The following LNPEP variants were observed in gnomAD, a reference collection of about 807,000 sequenced individuals.
LNPEP encodes the protein leucyl-cystinyl aminopeptidase.
Under a neutral mutation model 120.6 loss-of-function variants are expected in LNPEP, and 64 were observed. The ratio of observed to expected loss-of-function variants is 0.53; its 90% CI spans 0.43 to 0.65. The LOEUF (loss-of-function observed/expected upper bound fraction) is 0.65, where lower values mean the gene tolerates loss of function less well. Ranked by LOEUF, LNPEP falls within the 30% of genes least tolerant of loss-of-function variation. The pLI is 0.00. For synonymous variants in LNPEP, 435 were observed against 425.4 expected (o/e 1.02, Z -0.28); for missense variants, 1,057 against 1,200.0 (o/e 0.88, Z 1.76).
intron 11 of LNPEP, among the ~76,000 whole-genome samples, chr5:97,007,075 A>G (rs191891742): frequency 6.6e-6 from 1 of 152,314 alleles, no homozygotes; most frequent in East Asian, 1.9e-4. Flanking sequence ...ATAAAAAGCA[A>G]TTGAAATGTA....
At chr5:96,964,094 T>C (rs1018144866) in intron 1 of LNPEP, among the ~76,000 whole-genome samples, 10 of 151,900 alleles carry the variant, frequency 6.6e-5, no homozygotes, top group Admixed American at 2.6e-4. Flanking sequence ...CTCTCTGCTC[T>C]TCTATGATTG....
At chr5:96,978,713 G>A (rs571783415) in intron 1 of LNPEP, among the ~76,000 whole-genome samples, 2 of 152,240 alleles carry the variant, frequency 1.3e-5, no homozygotes, top group South Asian at 4.1e-4. Context: ...AAGGGGAACC[G>A]TGGACTGTAG....
chr5:96,958,528 A>T, intron 1 of LNPEP: 1 of 978,888 alleles, frequency 1.0e-6, no homozygotes. Flanking sequence ...TAGTTGTATT[A>T]GTTTTCTATT....
intron 1 of LNPEP, among the ~76,000 whole-genome samples, chr5:96,938,033 G>A (rs1454785749): frequency 6.6e-6 from 1 of 151,282 alleles, no homozygotes; most frequent in African/African-American, 2.4e-5. Flanking sequence ...CTTTTACAAG[G>A]AAAACAGAAA....
chr5:96,952,357 C>T (rs1789344619), intron 1 of LNPEP, among the ~76,000 whole-genome samples: 1 of 152,154 alleles, frequency 6.6e-6, no homozygotes, highest in Admixed American at 6.5e-5. Flanking sequence ...TGGCATATAA[C>T]ATATTATGAT....
intron 11 of LNPEP, among the ~76,000 whole-genome samples, chr5:97,008,039 G>T (rs969665440): frequency 8.5e-5 from 13 of 152,074 alleles, no homozygotes; most frequent in Non-Finnish European, 1.3e-4. Context: ...ATCTTTGATA[G>T]CATAGCTGGA....
intron 12 of LNPEP, 151 bp from the exon 13 acceptor site, chr5:97,014,788 C>A: frequency 2.4e-6 from 1 of 413,708 alleles, no homozygotes; most frequent in African/African-American, 2.0e-5. Flanking sequence ...CAGAGATAAT[C>A]ATATTTAGCT....
At chr5:96,947,131 G>C (rs1233903136) in intron 1 of LNPEP, among the ~76,000 whole-genome samples, 2 of 152,096 alleles carry the variant, frequency 1.3e-5, no homozygotes, top group Non-Finnish European at 2.9e-5. Context: ...ATTTGCTTGA[G>C]AGATTAATAA....
At chr5:96,961,823 T>A (rs10058476) in intron 1 of LNPEP, among the ~76,000 whole-genome samples, 56,459 of 151,998 alleles carry the variant, frequency 0.37, 10,663 homozygotes, top group Non-Finnish European at 0.42. Context: ...TCAATTTTTT[T>A]AAATCTGCCA....
chr5:96,986,045 G>T (rs1300333488), intron 3 of LNPEP, among the ~76,000 whole-genome samples: 1 of 152,086 alleles, frequency 6.6e-6, no homozygotes, highest in Non-Finnish European at 1.5e-5. Flanking sequence ...TTTTGTGTCT[G>T]CTGCAGACTT....
chr5:97,006,363 C>T, intron 10 of LNPEP, 64 bp from the exon 11 acceptor site: 3 of 1,239,908 alleles, frequency 2.4e-6, no homozygotes, highest in Non-Finnish European at 2.3e-6. Context: ...GCTTAACCTT[C>T]CTACCAAATT....
intron 13 of LNPEP, among the ~76,000 whole-genome samples, chr5:97,017,254 A>G (rs565134816): frequency 2.6e-5 from 4 of 152,172 alleles, no homozygotes; most frequent in Non-Finnish European, 5.9e-5. Context: ...TCTTTTTGAT[A>G]TATGTATTGA....
At chr5:96,989,258 G>A (rs1220886536) in intron 4 of LNPEP, among the ~76,000 whole-genome samples, 1 of 136,730 alleles carries the variant, frequency 7.3e-6, no homozygotes, top group African/African-American at 2.7e-5. Flanking sequence ...TAATATTTGT[G>A]TATATATGAT....
Position 96,948,845 on chromosome 5 carries a change from T to C in LNPEP, c.19+12671T>C, listed in dbSNP as rs572844394. ...GATCTATTTATAAATCTACCTTATT[T>C]TGTTGACTACTGTATAGTATAGTAT... On this transcript the variant is annotated intron_variant, in intron 1 of 17. Transcript: ENST00000231368. Among the ~76,000 whole-genome samples, 51 of 152,340 alleles carry C rather than the reference T, an allele frequency of 3.3e-4. No homozygotes were observed. In the South Asian group the frequency reaches 5.0e-3, roughly 15 times the overall value.
chr5:97,020,683 T>A (rs1413542079), intron 13 of LNPEP, among the ~76,000 whole-genome samples: 1 of 152,038 alleles, frequency 6.6e-6, no homozygotes, highest in Non-Finnish European at 1.5e-5. Flanking sequence ...GCGCTTGTAG[T>A]CCCAGCTACT....
Position 96,966,506 on chromosome 5 carries a change from A to ATT in LNPEP, c.20-12630_20-12629dup, listed in dbSNP as rs1391450470. Among the ~76,000 whole-genome samples the ATT allele has an allele frequency of 5.3e-3, 610 of 114,724 alleles. 8 individuals carry two copies. Among genetic ancestry groups the ATT allele is most frequent in the African/African-American group, 0.019 (574 of 30,200 alleles). The allele number at this position is 114,724 out of a possible 152,430, so 75.3% of individuals were successfully genotyped here. On this transcript the variant is annotated intron_variant, in intron 1 of 17. Transcript: ENST00000231368. The stretch of plus-strand genomic sequence containing the variant: ...CAGAGTGAGACTCTGTCTTACATAT[A>ATT]TTTGTGTGTGTGTGTGTGTGTGTGT...
intron 4 of LNPEP, among the ~76,000 whole-genome samples, chr5:96,991,778 G>A (rs116223245): frequency 0.013 from 2,003 of 152,234 alleles, 44 homozygotes; most frequent in African/African-American, 0.045. Context: ...TCTGCTGATT[G>A]TTGAATAAGA....
chr5:97,011,281 A>G, intron 11 of LNPEP: 1 of 771,260 alleles, frequency 1.3e-6, no homozygotes, highest in Non-Finnish European at 1.6e-6. Flanking sequence ...GCTAAGGTAC[A>G]GTGGCATGAT....
intron 4 of LNPEP, among the ~76,000 whole-genome samples, chr5:96,987,231 T>C (rs1009096890): frequency 2.6e-5 from 4 of 152,184 alleles, no homozygotes; most frequent in Non-Finnish European, 4.4e-5. Flanking sequence ...CTTCTGTTTT[T>C]CTTTATCATT....
Sources: gnomAD v4.1 joint callset for allele counts (sites outside exome capture counted in the v4.1 genomes callset) on GRCh38, gnomAD v4.1.1 for gene constraint, MANE v1.5 for transcripts, NCBI Gene and HGNC (gene_info 2026-07-23, HGNC 2026-07-21) for gene names.